The following EXT1 variants were observed in gnomAD, a reference collection of about 807,000 sequenced individuals.
EXT1 encodes the protein exostosin glycosyltransferase 1, also known as exostosin-1.
EXT1 carries 20 observed loss-of-function variants against 82.5 expected under a neutral mutation model. The ratio of observed to expected loss-of-function variants is 0.24; its 90% CI spans 0.17 to 0.35. EXT1 has a LOEUF of 0.35. Ranked by LOEUF, EXT1 falls within the 10% of genes least tolerant of loss-of-function variation. The pLI is 1.00. For missense variants in EXT1, 757 were observed against 936.5 expected, an observed-to-expected ratio of 0.81 and a Z score of 2.50; for synonymous variants, 348 against 350.8, an observed-to-expected ratio of 0.99 and a Z score of 0.09.
At chr8:118,057,715 T>G (rs983392480) in intron 1 of EXT1, among the ~76,000 whole-genome samples, 1 of 151,258 alleles carries the variant, frequency 6.6e-6, no homozygotes, top group African/African-American at 2.4e-5. Flanking sequence ...GGCTCACGCC[T>G]GTAATCCCAG....
chr8:118,084,876 T>C (rs1392178226), intron 1 of EXT1, among the ~76,000 whole-genome samples: 3 of 152,246 alleles, frequency 2.0e-5, no homozygotes, highest in Non-Finnish European at 4.4e-5. Flanking sequence ...AAAAATTAGA[T>C]GAAATAGTGC....
chr8:117,858,659 C>T (rs1442722039), intron 1 of EXT1, among the ~76,000 whole-genome samples: 1 of 142,542 alleles, frequency 7.0e-6, no homozygotes, highest in African/African-American at 2.7e-5. Context: ...GCCTGGGTGA[C>T]AGGGCAGGAC....
At chr8:117,833,943 A>G (rs1204262956) in intron 3 of EXT1, among the ~76,000 whole-genome samples, 1 of 152,208 alleles carries the variant, frequency 6.6e-6, no homozygotes, top group Non-Finnish European at 1.5e-5. Flanking sequence ...GTGTTTCTGC[A>G]AGGACTTCTT....
chr8:117,866,822 G>A (rs1342216630), intron 1 of EXT1, among the ~76,000 whole-genome samples: 1 of 148,518 alleles, frequency 6.7e-6, no homozygotes, highest in Non-Finnish European at 1.5e-5. Context: ...AAAATGAAGT[G>A]CATTTTGTTC....
At chr8:118,015,205 C>A (rs1815978792) in intron 1 of EXT1, among the ~76,000 whole-genome samples, 1 of 152,222 alleles carries the variant, frequency 6.6e-6, no homozygotes, top group African/African-American at 2.4e-5. Flanking sequence ...TGCTTACAGC[C>A]TTGCAAGCGC....
At chr8:117,938,953 C>T (rs1814220700) in intron 1 of EXT1, among the ~76,000 whole-genome samples, 1 of 152,230 alleles carries the variant, frequency 6.6e-6, no homozygotes, top group Admixed American at 6.5e-5. Flanking sequence ...ACCCTTCGAG[C>T]ATCCATCAGT....
At chr8:117,969,183 T>C (rs1372129785) in intron 1 of EXT1, among the ~76,000 whole-genome samples, 1 of 152,202 alleles carries the variant, frequency 6.6e-6, no homozygotes, top group African/African-American at 2.4e-5. Flanking sequence ...TAAGTAAAAA[T>C]GTGAACAACT....
intron 1 of EXT1, among the ~76,000 whole-genome samples, chr8:117,897,872 G>A (rs1259795051): frequency 1.3e-5 from 2 of 151,822 alleles, no homozygotes; most frequent in Non-Finnish European, 2.9e-5. Context: ...CAAAACGGTC[G>A]GATTATAGGC....
At position 117,799,630 on chromosome 8, in the gene EXT1, G is replaced by C. The variant is rs886062635; in HGVS notation, c.*82C>G. The C allele has an allele frequency of 2.5e-4, 373 of 1,507,794 alleles. 2 individuals are homozygous for C. In the East Asian group the frequency reaches 8.3e-3, roughly 34 times the overall value. 93.4% of individuals were successfully genotyped at this position (1,507,794 alleles called of 1,614,324 possible). On this transcript the variant is annotated 3_prime_UTR_variant, in exon 11 of 11. Transcript: ENST00000378204. ...ATAGTTGGCACAATCTGGCTCTGCT[G>C]ATGAGTGGATCTGCACTGGGAAGAG...
chr8:117,849,195 G>A (rs1229579323), intron 1 of EXT1, among the ~76,000 whole-genome samples: 4 of 152,104 alleles, frequency 2.6e-5, no homozygotes, highest in East Asian at 3.9e-4. Flanking sequence ...ACCAACCTGT[G>A]CTCCTGGCAC....
At position 117,797,985 on chromosome 8, in the gene EXT1, A is replaced by G. The variant is rs1243285728; in HGVS notation, c.*1727T>C. ...GGGCTCTACTCCTTGTTCTGCAGCT[A>G]GGTAGCCTGTTGAGTCACTTCTCTG... On this transcript the variant is annotated 3_prime_UTR_variant, in exon 11 of 11. Transcript: ENST00000378204. The G allele has an allele frequency of 6.6e-6, 1 of 152,260 alleles. No homozygotes were observed. The highest frequency in any genetic ancestry group is 1.5e-5 in the Non-Finnish European group (1 of 68,082). 9.4% of individuals were successfully genotyped at this position (152,260 alleles called of 1,614,324 possible).
chr8:117,835,425 G>T lies in EXT1; in HGVS notation c.1164+19C>A. 6.3e-7 allele frequency: 1 copy of T among 1,581,442 alleles called. No homozygotes were observed. Among genetic ancestry groups the T allele is most frequent in the Non-Finnish European group, 8.7e-7 (1 of 1,150,060 alleles). ...GCAATAATCTGCTGATGTGTTGAAG[G>T]CCACAGCCCCTTCCTTACCTGTAAT... On this transcript the variant is annotated intron_variant, in intron 3 of 10. Transcript: ENST00000378204.
At chr8:117,969,832 T>A (rs760429624) in intron 1 of EXT1, among the ~76,000 whole-genome samples, 13 of 152,246 alleles carry the variant, frequency 8.5e-5, no homozygotes, top group Non-Finnish European at 1.9e-4. Flanking sequence ...TTCAGATGAA[T>A]GTGAATCAGA....
intron 1 of EXT1, among the ~76,000 whole-genome samples, chr8:117,920,812 G>A (rs535461572): frequency 6.8e-4 from 104 of 152,266 alleles, no homozygotes; most frequent in African/African-American, 2.3e-3. Flanking sequence ...GACCACCCCT[G>A]TGAAGATAAC....
chr8:118,098,537 A>AC (rs1161880137), intron 1 of EXT1, among the ~76,000 whole-genome samples: 4 of 152,170 alleles, frequency 2.6e-5, no homozygotes, highest in Middle Eastern at 6.8e-3. Context: ...CGGACAGATC[A>AC]CGAGGTCAGG....
intron 1 of EXT1, among the ~76,000 whole-genome samples, chr8:117,990,136 G>A (rs1373089614): frequency 6.6e-6 from 1 of 152,048 alleles, no homozygotes; most frequent in African/African-American, 2.4e-5. Context: ...TTGCACCACT[G>A]CACTCCAGCC....
At chr8:117,825,582 C>G (rs1811996914) in intron 4 of EXT1, among the ~76,000 whole-genome samples, 1 of 152,178 alleles carries the variant, frequency 6.6e-6, no homozygotes, top group South Asian at 2.1e-4. Flanking sequence ...GGAAGAATGA[C>G]AGGCTCCTTA....
chr8:118,098,362 G>A (rs1399831224), intron 1 of EXT1, among the ~76,000 whole-genome samples: 4 of 151,886 alleles, frequency 2.6e-5, no homozygotes, highest in East Asian at 1.9e-4. Context: ...CATATGCCAC[G>A]CCTTAGGCAG....
At chr8:117,993,087 T>C in intron 1 of EXT1, among the ~76,000 whole-genome samples, 1 of 152,196 alleles carries the variant, frequency 6.6e-6, no homozygotes, top group Non-Finnish European at 1.5e-5. Context: ...GAACAATTTT[T>C]AAAAAGAAAG....
Sources: allele counts gnomAD v4.1 joint callset (sites outside exome capture counted in the v4.1 genomes callset), GRCh38; gene constraint gnomAD v4.1.1; transcripts MANE v1.5; gene names NCBI Gene and HGNC (gene_info 2026-07-23, HGNC 2026-07-21).